MINK1: variants seen among roughly 807,000 people sequenced by gnomAD.
MINK1 encodes misshapen-like kinase 1.
In MINK1, 46 loss-of-function variants were observed where a neutral mutation model predicts 178.4. The observed-to-expected ratio is 0.26, with a 90% CI of 0.20 to 0.33. MINK1 has a LOEUF of 0.33. Among genes scored for constraint, MINK1 ranks in the 10% least tolerant of loss-of-function variants. MINK1 has a pLI of 1.00. For missense variants in MINK1, 1,366 were observed against 1,814.9 expected (o/e 0.75, Z 4.49); for synonymous variants, 797 against 709.7 (o/e 1.12, Z -1.96).
intron 1 of MINK1, among the ~76,000 whole-genome samples, chr17:4,847,520 A>G (rs1367363815): frequency 6.6e-6 from 1 of 152,204 alleles, no homozygotes; most frequent in Non-Finnish European, 1.5e-5. Flanking sequence ...CAGGCCCAGG[A>G]GTCCTTATTT....
Position 4,893,992 on chromosome 17 carries a change from G to T in MINK1, c.2569G>T (p.Asp857Tyr), listed in dbSNP as rs375818535. 1.3e-6 allele frequency: 2 copies of T among 1,577,526 alleles called. No individual in the cohort carries two copies. The highest frequency in any genetic ancestry group is 1.4e-5 in the African/African-American group (1 of 73,794). ...CCCCACCTTCCTCTCTCACAGCAGCGATGGGGATACAGACAGCGTCAGCAC... is the reference window on the plus strand; with the variant it reads ...CCCCACCTTCCTCTCTCACAGCAGCTATGGGGATACAGACAGCGTCAGCAC... ...GSRDTPGGRS[D>Y]GDTDSVSTMV... is the part of the protein sequence containing the mutation. Residue 857 changes from aspartate to tyrosine, a missense_variant, in exon 22 of 32, where the codon GAT becomes TAT. Transcript: ENST00000355280.
At chr17:4,850,521 C>CG (rs949060013) in intron 1 of MINK1, among the ~76,000 whole-genome samples, 48 of 149,326 alleles carry the variant, frequency 3.2e-4, no homozygotes, top group Non-Finnish European at 2.4e-4. Flanking sequence ...TCCTGCTGGC[C>CG]CCCCCCGCCC....
intron 1 of MINK1, among the ~76,000 whole-genome samples, chr17:4,874,371 G>A (rs1256420520): frequency 6.6e-6 from 1 of 152,212 alleles, no homozygotes; most frequent in Non-Finnish European, 1.5e-5. Context: ...GATAATAACG[G>A]GGCATCGTTA....
At chr17:4,878,473 G>A (rs1967395917) in intron 2 of MINK1, 91 bp downstream of exon 2, 1 of 1,194,408 alleles carries the variant, frequency 8.4e-7, no homozygotes, top group Non-Finnish European at 1.2e-6. Flanking sequence ...CTGCAGGTCT[G>A]AAGGGGGCTA....
Position 4,895,695 on chromosome 17 carries a change from C to T in MINK1, c.3230-3C>T, listed in dbSNP as rs1969382091. 6.2e-7 allele frequency: 1 copy of T among 1,612,802 alleles called. No individual in the cohort carries two copies. The highest frequency in any genetic ancestry group is 1.3e-5 in the African/African-American group (1 of 74,876). On this transcript the variant is annotated splice_polypyrimidine_tract_variant and splice_region_variant and intron_variant, in intron 26 of 31. Coordinates refer to ENST00000355280, the MANE Select transcript of MINK1 (RefSeq NM_153827.5). This position sits in a 1 kb window ranked among gnomAD's most constrained non-coding sequence, Gnocchi z 4.3. ...CGGGTGTGTATGTCTGTCCGTCCCT[C>T]AGGGAAAAGGAACAAACTGCGGGTG...
intron 2 of MINK1, 122 bp downstream of exon 2, chr17:4,878,504 G>A (rs763576242): frequency 1.1e-5 from 10 of 885,836 alleles, no homozygotes; most frequent in African/African-American, 3.4e-5. Context: ...TAGAGTCTAG[G>A]GCCCTGGAAA....
At chr17:4,888,124 G>A (rs550888412) in intron 12 of MINK1, among the ~76,000 whole-genome samples, 4 of 151,990 alleles carry the variant, frequency 2.6e-5, no homozygotes, top group Non-Finnish European at 5.9e-5. Context: ...GCTGAGGCAG[G>A]AGAATTGCTT....
Position 4,887,231 on chromosome 17 carries a change from G to T in MINK1, c.1019+52G>T. The T allele has an allele frequency of 1.3e-6, 2 of 1,513,118 alleles. No individual in the cohort carries two copies. Among genetic ancestry groups the T allele is most frequent in the Non-Finnish European group, 1.8e-6 (2 of 1,110,140 alleles). The allele number at this position is 1,513,118 out of a possible 1,614,324, so 93.7% of individuals were successfully genotyped here. On this transcript the variant is annotated intron_variant, in intron 11 of 31. Transcript: ENST00000355280. This position sits in a 1 kb window ranked among gnomAD's most constrained non-coding sequence, Gnocchi z 7.6. ...TGGGGCGGTCATCGCTGAGTGGGGG[G>T]ACTACAGTGGTGCTTGGCTTTGGGG...
rs1969544697 is a variant in MINK1 at position 4,896,754 on chromosome 17, G to A, written c.3856G>A (p.Gly1286Arg). Residue 1286 changes from glycine to arginine, a missense_variant, in exon 31 of 32, where the codon GGG (glycine) becomes AGG (arginine). Gly to Arg is a moderately radical substitution (Grantham distance 125). Transcript: ENST00000355280. This position sits in a 1 kb window ranked among gnomAD's most constrained non-coding sequence, Gnocchi z 4.6. ...IRSVETGHLD[G>R]VFMHKRAQRL... The stretch of plus-strand genomic sequence containing the variant: ...CTCTGTGGAGACGGGCCACCTCGAC[G>A]GGGTCTTCATGCACAAACGAGCTCA... 1 of 1,600,414 alleles carries A rather than the reference G, an allele frequency of 6.2e-7. No individual in the cohort carries two copies. Among genetic ancestry groups the A allele is most frequent in the Non-Finnish European group, 8.5e-7 (1 of 1,172,618 alleles).
chr17:4,874,761 T>C (rs1967026070), intron 1 of MINK1, among the ~76,000 whole-genome samples: 1 of 152,138 alleles, frequency 6.6e-6, no homozygotes, highest in East Asian at 1.9e-4. Context: ...CTTGCTTCTC[T>C]GAATCACCCT....
At chr17:4,866,938 T>C (rs1264159042) in intron 1 of MINK1, among the ~76,000 whole-genome samples, 1 of 151,394 alleles carries the variant, frequency 6.6e-6, no homozygotes, top group Non-Finnish European at 1.5e-5. Context: ...CCGGGCGTGG[T>C]GGCGGGCGCC....
intron 1 of MINK1, among the ~76,000 whole-genome samples, chr17:4,858,006 G>A (rs1166759346): frequency 1.3e-5 from 2 of 152,138 alleles, no homozygotes; most frequent in Non-Finnish European, 2.9e-5. Context: ...CCCTTCCCCT[G>A]TGGTGGCTTC....
chr17:4,858,994 C>A, intron 1 of MINK1: 1 of 343,560 alleles, frequency 2.9e-6, no homozygotes, highest in Non-Finnish European at 4.1e-6. Context: ...CAACACCAGG[C>A]ACCCGGGGCA....
chr17:4,895,798 G>T lies in MINK1; in HGVS notation c.3330G>T (p.Val1110=). 1 of 1,613,782 alleles carries T rather than the reference G, an allele frequency of 6.2e-7. No homozygotes were observed. Among genetic ancestry groups the T allele is most frequent in the Non-Finnish European group, 8.5e-7 (1 of 1,179,824 alleles). ...EVEKKQGWTT[V]GDMEGCGHYR... is the part of the protein sequence containing the mutation. ...AGAAGAAGCAGGGCTGGACCACCGT[G>T]GGGGACATGGAGGGCTGCGGGCACT... Residue 1110 remains valine, a synonymous_variant, in exon 27 of 32, where the codon GTG becomes GTT. Coordinates refer to ENST00000355280, the MANE Select transcript of MINK1 (RefSeq NM_153827.5). This position sits in a 1 kb window ranked among gnomAD's most constrained non-coding sequence, Gnocchi z 4.3.
chr17:4,862,475 C>T (rs1597444247), intron 1 of MINK1, among the ~76,000 whole-genome samples: 2 of 151,840 alleles, frequency 1.3e-5, no homozygotes, highest in South Asian at 2.1e-4. Flanking sequence ...GCCAACATGG[C>T]GAAACCCCGT....
chr17:4,834,762 G>C (rs1208609035), intron 1 of MINK1: 1 of 520,072 alleles, frequency 1.9e-6, no homozygotes, highest in South Asian at 1.4e-5. Context: ...GGGGAGAGCA[G>C]GACTTCCCAT....
chr17:4,892,910 G>A (rs374525067), intron 19 of MINK1, 69 bp from the exon 20 acceptor site: 24 of 1,443,176 alleles, frequency 1.7e-5, no homozygotes, highest in Admixed American at 5.9e-5. Context: ...GAGTTCTGGG[G>A]CTCAGGGTGT....
Position 4,885,886 on chromosome 17 carries a change from C to G in MINK1, c.640-25C>G, listed in dbSNP as rs369586485. ...AGGGCAGAGTTGTCAGGAATATTCACTTGTTCCTTCTTTCCCGTCTATAGA... is the reference window on the plus strand; with the variant it reads ...AGGGCAGAGTTGTCAGGAATATTCAGTTGTTCCTTCTTTCCCGTCTATAGA... On this transcript the variant is annotated intron_variant, in intron 7 of 31. Coordinates refer to ENST00000355280, the MANE Select transcript of MINK1 (RefSeq NM_153827.5). This position sits in a 1 kb window ranked among gnomAD's most constrained non-coding sequence, Gnocchi z 5.0. The G allele has an allele frequency of 8.1e-6, 13 of 1,612,276 alleles. No homozygotes were observed. Among genetic ancestry groups the G allele is most frequent in the Non-Finnish European group, 1.1e-5 (13 of 1,178,656 alleles).
At position 4,887,138 on chromosome 17, in the gene MINK1, C is replaced by T. The variant is rs370053928; in HGVS notation, c.978C>T (p.Ser326=). The part of the protein sequence containing the change: ...KEETEYEYSG[S]EEEDDSHGEE... Reference sequence around the variant, plus strand: ...AGACAGAATATGAGTACAGCGGCAGCGAGGAGGAAGATGACAGCCATGGAG... The same window carrying T: ...AGACAGAATATGAGTACAGCGGCAGTGAGGAGGAAGATGACAGCCATGGAG... The change falls in exon 11 of 32, where the codon AGC becomes AGT. Residue 326 remains serine (S), a synonymous_variant. Coordinates refer to ENST00000355280, the MANE Select transcript of MINK1 (RefSeq NM_153827.5). The surrounding 1 kb of genome is among the most constrained non-coding windows in gnomAD (Gnocchi z 7.6). 245 of 1,603,744 alleles carry T rather than the reference C, an allele frequency of 1.5e-4. No individual in the cohort carries two copies. Among genetic ancestry groups the T allele is most frequent in the Non-Finnish European group, 1.8e-4 (213 of 1,175,454 alleles).
Sources: allele counts gnomAD v4.1 joint callset (sites outside exome capture counted in the v4.1 genomes callset), GRCh38; gene constraint gnomAD v4.1.1; non-coding constraint Gnocchi (gnomAD v3.1); transcripts MANE v1.5; gene names NCBI Gene and HGNC (gene_info 2026-07-23, HGNC 2026-07-21).